AEBP2: variants seen among roughly 807,000 people sequenced by gnomAD.
AEBP2 encodes zinc finger protein AEBP2.
AEBP2 carries 10 observed loss-of-function variants against 50.8 expected under a neutral mutation model. That is an observed-to-expected ratio of 0.20 (90% CI 0.12 to 0.33). AEBP2 has a LOEUF of 0.33. Ranked by LOEUF, AEBP2 falls within the 10% of genes least tolerant of loss-of-function variation. The pLI is 1.00. For synonymous variants in AEBP2, 296 were observed against 261.3 expected, an observed-to-expected ratio of 1.13 and a Z score of -1.28; for missense variants, 570 against 688.0, an observed-to-expected ratio of 0.83 and a Z score of 1.92.
At chr12:19,463,945 C>T (rs1238458854) in intron 2 of AEBP2, among the ~76,000 whole-genome samples, 5 of 152,078 alleles carry the variant, frequency 3.3e-5, no homozygotes, top group Admixed American at 6.6e-5. Context: ...GGATTACAGG[C>T]GTGAGTCACC....
intron 1 of AEBP2, among the ~76,000 whole-genome samples, chr12:19,415,353 AT>A (rs1398713491): frequency 2.6e-5 from 1 of 38,618 alleles, no homozygotes; most frequent in African/African-American, 8.1e-5. Flanking sequence ...AAAAAAAAAT[AT>A]ATATATATAT....
At chr12:19,437,190 A>T (rs1249756493), upstream of AEBP2, among the ~76,000 whole-genome samples, 2 of 152,132 alleles carry the variant, frequency 1.3e-5, no homozygotes, top group South Asian at 4.1e-4. Context: ...TTCCACACTC[A>T]GTCTATTACT....
chr12:19,457,383 A>G, intron 1 of AEBP2: 2 of 1,434,286 alleles, frequency 1.4e-6, no homozygotes, highest in Non-Finnish European at 1.9e-6. Flanking sequence ...GGCATCAATG[A>G]TAGTCACGTA....
intron 1 of AEBP2, among the ~76,000 whole-genome samples, chr12:19,446,451 G>A (rs560540705): frequency 6.6e-6 from 1 of 152,186 alleles, no homozygotes; most frequent in South Asian, 2.1e-4. Context: ...ATCTACAGGC[G>A]GGACACGGTA....
intron 1 of AEBP2, among the ~76,000 whole-genome samples, chr12:19,444,199 C>T (rs1390755266): frequency 6.6e-6 from 1 of 151,922 alleles, no homozygotes; most frequent in Non-Finnish European, 1.5e-5. Flanking sequence ...TTCATTCTTC[C>T]AACACAGTAT....
intron 1 of AEBP2, among the ~76,000 whole-genome samples, chr12:19,452,242 C>T (rs1204731670): frequency 1.3e-5 from 2 of 152,158 alleles, no homozygotes; most frequent in Non-Finnish European, 2.9e-5. Flanking sequence ...ATGTGTCTGC[C>T]TCGACCTCCC....
At chr12:19,442,353 A>T (rs1034095160) in intron 1 of AEBP2, among the ~76,000 whole-genome samples, 5 of 152,170 alleles carry the variant, frequency 3.3e-5, no homozygotes, top group African/African-American at 1.2e-4. Context: ...GGTTGCAGTG[A>T]GCTGAGATGG....
Position 19,520,842 on chromosome 12 carries a change from A to G in AEBP2, c.*2725A>G, listed in dbSNP as rs1448359866. ...ATGCTCCAAAGTTCAAAACTTTCTG[A>G]GTGCTGACATCATGCTGCAAGTGGA... On this transcript the variant is annotated 3_prime_UTR_variant, in exon 8 of 8. Coordinates refer to ENST00000266508, the MANE Select transcript of AEBP2 (RefSeq NM_153207.5). 1.3e-5 allele frequency: 2 copies of G among 152,208 alleles called. No homozygotes were observed. Among genetic ancestry groups the G allele is most frequent in the Non-Finnish European group, 2.9e-5 (2 of 68,040 alleles). The allele number at this position is 152,208 out of a possible 1,614,324, so 9.4% of individuals were successfully genotyped here.
At chr12:19,472,839 A>G (rs146718620) in intron 2 of AEBP2, among the ~76,000 whole-genome samples, 1,561 of 152,164 alleles carry the variant, frequency 0.01, 13 homozygotes, top group Middle Eastern at 0.02. Flanking sequence ...TATACCTTTA[A>G]AAAGGTATAT....
intron 4 of AEBP2, among the ~76,000 whole-genome samples, chr12:19,495,015 T>G (rs796301822): frequency 6.6e-6 from 1 of 152,228 alleles, no homozygotes; most frequent in African/African-American, 2.4e-5. Context: ...CAAGCAGTTC[T>G]CTGTCTCAGC....
At chr12:19,437,337 T>C (rs1445404221), upstream of AEBP2, among the ~76,000 whole-genome samples, 1 of 152,158 alleles carries the variant, frequency 6.6e-6, no homozygotes, top group Non-Finnish European at 1.5e-5. Context: ...TCCATTAAAT[T>C]AATTTGTTAC....
At chr12:19,444,096 A>C (rs1212690928) in intron 1 of AEBP2, among the ~76,000 whole-genome samples, 1 of 152,186 alleles carries the variant, frequency 6.6e-6, no homozygotes, top group Non-Finnish European at 1.5e-5. Flanking sequence ...AGTGAAGCTG[A>C]AGTACTTTTT....
chr12:19,509,816 CTTTCT>C (rs1212180902), intron 5 of AEBP2, among the ~76,000 whole-genome samples: 1 of 121,066 alleles, frequency 8.3e-6, no homozygotes, highest in East Asian at 2.5e-4. Flanking sequence ...AACATGGCTA[CTTTCT>C]TTTTTTTTTT....
chr12:19,450,842 C>CA (rs140232330), intron 1 of AEBP2, among the ~76,000 whole-genome samples: 67,257 of 136,766 alleles, frequency 0.49, 16,189 homozygotes, highest in Non-Finnish European at 0.55. Context: ...GACATTGTCT[C>CA]AAAAAAAAAA....
intron 4 of AEBP2, among the ~76,000 whole-genome samples, chr12:19,496,244 G>A (rs1003361479): frequency 2.0e-5 from 3 of 152,170 alleles, no homozygotes; most frequent in African/African-American, 7.2e-5. Flanking sequence ...TTAAGTATAT[G>A]TTTCTTTTGA....
At chr12:19,514,612 T>A in intron 6 of AEBP2, 59 bp from the exon 7 acceptor site, 1 of 1,303,202 alleles carries the variant, frequency 7.7e-7, no homozygotes, top group Non-Finnish European at 1.1e-6. Context: ...TGAAGGCACA[T>A]GGAAGTGTAA....
intron 1 of AEBP2, among the ~76,000 whole-genome samples, chr12:19,446,838 G>T (rs143801593): frequency 3.7e-4 from 56 of 152,134 alleles, no homozygotes; most frequent in Admixed American, 1.2e-3. Flanking sequence ...GAGGCAGGAG[G>T]ATCACTTGGA....
At chr12:19,448,174 T>C (rs1948105974) in intron 1 of AEBP2, among the ~76,000 whole-genome samples, 1 of 152,138 alleles carries the variant, frequency 6.6e-6, no homozygotes, top group Admixed American at 6.5e-5. Context: ...CCCAAAGTGC[T>C]GGGATTACAG....
chr12:19,503,347 ATG>A (rs374112477), intron 5 of AEBP2, among the ~76,000 whole-genome samples: 4 of 146,738 alleles, frequency 2.7e-5, no homozygotes, highest in Admixed American at 1.4e-4. Context: ...GTGTGTGTGT[ATG>A]TGTGTGTGTG....
Sources: allele counts gnomAD v4.1 joint callset (sites outside exome capture counted in the v4.1 genomes callset), GRCh38; gene constraint gnomAD v4.1.1; transcripts MANE v1.5; gene names NCBI Gene and HGNC (gene_info 2026-07-23, HGNC 2026-07-21).